RIT2: variants seen among roughly 807,000 people sequenced by gnomAD.
The protein encoded by RIT2 is GTP-binding protein Rit2.
Under a neutral mutation model 23.7 loss-of-function variants are expected in RIT2, and 24 were observed. The ratio of observed to expected loss-of-function variants is 1.01; its 90% confidence interval spans 0.73 to 1.43. RIT2 has a LOEUF of 1.43. Among genes scored for constraint, RIT2 ranks in the 40% most tolerant of loss-of-function variants. The pLI is 0.00. For missense variants in RIT2, 236 were observed against 266.9 expected, an observed-to-expected ratio of 0.88 and a Z score of 0.81; for synonymous variants, 107 against 91.1, an observed-to-expected ratio of 1.17 and a Z score of -0.99.
chr18:42,864,524 C>T (rs189510614), intron 4 of RIT2, among the ~76,000 whole-genome samples: 7 of 152,180 alleles, frequency 4.6e-5, no homozygotes, highest in South Asian at 2.1e-4. Flanking sequence ...TGTCTTCAAA[C>T]GAGAATAGCA....
chr18:43,109,654 C>T (rs1259148231), intron 1 of RIT2, among the ~76,000 whole-genome samples: 2 of 152,144 alleles, frequency 1.3e-5, no homozygotes, highest in African/African-American at 4.8e-5. Flanking sequence ...AAAGCTCTTA[C>T]ATCAGAAGCC....
At chr18:42,746,176 T>C (rs1912912624) in intron 4 of RIT2, among the ~76,000 whole-genome samples, 1 of 152,216 alleles carries the variant, frequency 6.6e-6, no homozygotes, top group Admixed American at 6.6e-5. Context: ...GGAATTATTT[T>C]ATCTATATCC....
chr18:42,771,349 T>C (rs1372242282), intron 4 of RIT2, among the ~76,000 whole-genome samples: 1 of 152,198 alleles, frequency 6.6e-6, no homozygotes, highest in Non-Finnish European at 1.5e-5. Context: ...TATTTGTTTT[T>C]ATATTGACAT....
intron 4 of RIT2, among the ~76,000 whole-genome samples, chr18:42,897,881 G>T (rs987543306): frequency 5.3e-5 from 8 of 152,186 alleles, no homozygotes; most frequent in African/African-American, 1.9e-4. Flanking sequence ...GAAGTTAGCT[G>T]ATGTAAATAA....
chr18:43,115,325 C>T (rs1914042664), intron 1 of RIT2, 92 bp downstream of exon 1: 4 of 1,519,520 alleles, frequency 2.6e-6, no homozygotes, highest in African/African-American at 1.4e-5. Flanking sequence ...CAGTTCACCT[C>T]TAACAGCATC....
At chr18:42,935,204 C>CTTCCT (rs1909422886) in intron 3 of RIT2, among the ~76,000 whole-genome samples, 1 of 152,144 alleles carries the variant, frequency 6.6e-6, no homozygotes, top group African/African-American at 2.4e-5. Flanking sequence ...GATACAAGGT[C>CTTCCT]TAACTGTGGG....
intron 4 of RIT2, among the ~76,000 whole-genome samples, chr18:42,803,559 G>T (rs559124023): frequency 1.3e-5 from 2 of 152,266 alleles, no homozygotes; most frequent in Admixed American, 1.3e-4. Context: ...TTAGTTTTCT[G>T]TAAGTGGAGC....
intron 4 of RIT2, among the ~76,000 whole-genome samples, chr18:42,813,504 G>A (rs1453797564): frequency 6.6e-6 from 1 of 152,002 alleles, no homozygotes; most frequent in Non-Finnish European, 1.5e-5. Context: ...AATAATTCAT[G>A]TCTAAACTTA....
intron 1 of RIT2, among the ~76,000 whole-genome samples, chr18:43,084,155 T>C (rs1422679100): frequency 1.3e-5 from 2 of 152,118 alleles, no homozygotes; most frequent in African/African-American, 4.8e-5. Flanking sequence ...CACTGGTCAT[T>C]AGAGAAATGC....
chr18:43,089,545 C>T (rs894272438), intron 1 of RIT2, among the ~76,000 whole-genome samples: 15 of 149,790 alleles, frequency 1.0e-4, no homozygotes, highest in Non-Finnish European at 2.1e-4. Context: ...TTACATGGAA[C>T]CAATAAGAGC....
At chr18:43,097,524 C>T (rs1033088335) in intron 1 of RIT2, among the ~76,000 whole-genome samples, 1 of 151,762 alleles carries the variant, frequency 6.6e-6, no homozygotes, top group Non-Finnish European at 1.5e-5. Context: ...TTCCAGAAAG[C>T]TATTGGAAAA....
intron 1 of RIT2, among the ~76,000 whole-genome samples, chr18:43,076,242 G>C (rs1417855967): frequency 6.6e-6 from 1 of 152,112 alleles, no homozygotes; most frequent in East Asian, 1.9e-4. Context: ...ACAAAAAGAG[G>C]GCCATCCCCA....
intron 1 of RIT2, among the ~76,000 whole-genome samples, chr18:43,096,700 A>C (rs1395475643): frequency 1.3e-5 from 2 of 151,896 alleles, no homozygotes; most frequent in African/African-American, 4.8e-5. Context: ...TTACCCACTA[A>C]GTTGAGTGGT....
intron 4 of RIT2, among the ~76,000 whole-genome samples, chr18:42,765,598 A>C (rs2143906981): frequency 6.6e-6 from 1 of 152,326 alleles, no homozygotes; most frequent in Admixed American, 6.5e-5. Flanking sequence ...AGCCCCAGGG[A>C]AAGCAGAGAG....
intron 1 of RIT2, among the ~76,000 whole-genome samples, chr18:43,059,895 G>A (rs1912603415): frequency 6.6e-6 from 1 of 152,040 alleles, no homozygotes; most frequent in African/African-American, 2.4e-5. Flanking sequence ...TTTAAAGGAT[G>A]TCCTAGAGTG....
chr18:42,901,257 G>A (rs766701562), intron 4 of RIT2, among the ~76,000 whole-genome samples: 2 of 152,148 alleles, frequency 1.3e-5, no homozygotes, highest in Middle Eastern at 3.4e-3. Context: ...TTCTGCCAAT[G>A]TACAATTGTT....
intron 2 of RIT2, among the ~76,000 whole-genome samples, chr18:43,025,109 G>A (rs1472093689): frequency 1.3e-5 from 2 of 151,804 alleles, no homozygotes; most frequent in African/African-American, 4.8e-5. Flanking sequence ...TCAGGAGGCT[G>A]AGGCAAGAGA....
At chr18:42,913,292 T>C (rs921002862) in intron 4 of RIT2, among the ~76,000 whole-genome samples, 6 of 149,958 alleles carry the variant, frequency 4.0e-5, no homozygotes, top group Non-Finnish European at 7.4e-5. Context: ...GAAAAGAACA[T>C]AAAAGAAACT....
intron 4 of RIT2, among the ~76,000 whole-genome samples, chr18:42,850,757 C>T (rs1907031034): frequency 6.6e-6 from 1 of 152,094 alleles, no homozygotes; most frequent in Non-Finnish European, 1.5e-5. Context: ...ATGGGGTTTT[C>T]AGGGCCCAGA....
Sources: allele counts gnomAD v4.1 joint callset (sites outside exome capture counted in the v4.1 genomes callset), GRCh38; gene constraint gnomAD v4.1.1; transcripts MANE v1.5; gene names NCBI Gene and HGNC (gene_info 2026-07-23, HGNC 2026-07-21).